The following C3orf22 variants were observed in gnomAD, a reference collection of about 807,000 sequenced individuals.
The protein encoded by C3orf22 is uncharacterized protein C3orf22.
C3orf22 carries 7 observed loss-of-function variants against 10.8 expected under a neutral mutation model. The observed-to-expected ratio is 0.65, with a 90% CI of 0.37 to 1.22. The LOEUF (loss-of-function observed/expected upper bound fraction) is 1.22. Among genes scored for constraint, C3orf22 ranks in the 50% most tolerant of loss-of-function variants. The probability of loss-of-function intolerance (pLI) is 0.02; values close to 1 mark genes in which losing one functional copy is unlikely to be tolerated. For missense variants in C3orf22, 173 were observed against 177.0 expected, an observed-to-expected ratio of 0.98 and a Z score of 0.13; for synonymous variants, 79 against 78.9, an observed-to-expected ratio of 1.00 and a Z score of 0.00.
intron 4 of C3orf22, chr3:126,542,758 G>A: frequency 1.1e-6 from 1 of 918,322 alleles, no homozygotes; most frequent in South Asian, 2.9e-5. Flanking sequence ...CATCTCAGGT[G>A]GCCCTGCACG....
intron 4 of C3orf22, among the ~76,000 whole-genome samples, chr3:126,535,529 C>G (rs9828089): frequency 4.5e-4 from 20 of 44,068 alleles, no homozygotes; most frequent in South Asian, 2.5e-3. Flanking sequence ...CCGGGAGACA[C>G]ACAGACAGCA....
chr3:126,549,735 G>T lies in C3orf22; in HGVS notation c.*133C>A, dbSNP rs1027252960. The T allele has an allele frequency of 5.3e-6, 8 of 1,511,840 alleles. No individual in the cohort carries two copies. The highest frequency in any genetic ancestry group is 4.1e-5 in the African/African-American group (3 of 72,478). 93.7% of individuals were successfully genotyped at this position (1,511,840 alleles called of 1,614,324 possible). A position where few individuals can be genotyped will look rare whatever the true frequency, so the allele number is the denominator to read the frequency against. On this transcript the variant is annotated 3_prime_UTR_variant, in exon 4 of 4. Coordinates refer to ENST00000318225, the MANE Select transcript of C3orf22 (RefSeq NM_152533.3). ...TTTATTAGCTTGGTGTAGCTTTTTG[G>T]GGGGACCACAAACCACTCCCGGTCT... is the stretch of plus-strand genomic sequence containing the variant.
chr3:126,539,368 T>C (rs1936872419), intron 4 of C3orf22, among the ~76,000 whole-genome samples: 1 of 152,078 alleles, frequency 6.6e-6, no homozygotes, highest in South Asian at 2.1e-4. Context: ...TTAGTGTATC[T>C]TAGACAGCTG....
Position 126,552,122 on chromosome 3 carries a change from C to A in C3orf22, c.90G>T (p.Arg30Ser). The A allele has an allele frequency of 5.0e-6, 8 of 1,613,720 alleles. No individual in the cohort carries two copies. Among genetic ancestry groups the A allele is most frequent in the Non-Finnish European group, 6.8e-6 (8 of 1,179,906 alleles). ...GGTCGGGCTCTGTCAGCCACGACAA[C>A]CTGCAACAGCACTTGGAATGTCAAC... Reference protein sequence around the residue: ...QENFAKKFPYRLSWLTEPDPE... With the variant: ...QENFAKKFPYSLSWLTEPDPE... The change falls in exon 3 of 4, where the codon AGG becomes AGT. Residue 30 changes from arginine to serine, a missense_variant and splice_region_variant. Coordinates refer to ENST00000318225, the MANE Select transcript of C3orf22 (RefSeq NM_152533.3).
At chr3:126,557,078 TCACA>T (rs371344338) in intron 1 of C3orf22, among the ~76,000 whole-genome samples, 6 of 149,496 alleles carry the variant, frequency 4.0e-5, no homozygotes, top group African/African-American at 9.9e-5. Flanking sequence ...ACACACAGAT[TCACA>T]CACACACAGA....
chr3:126,550,678 G>C (rs1024802019), intron 3 of C3orf22, among the ~76,000 whole-genome samples: 4 of 152,150 alleles, frequency 2.6e-5, no homozygotes, highest in Non-Finnish European at 4.4e-5. Flanking sequence ...TGTGCTCATG[G>C]GCCCGGCCGT....
chr3:126,550,559 C>G (rs1937158699), intron 3 of C3orf22, among the ~76,000 whole-genome samples: 1 of 152,204 alleles, frequency 6.6e-6, no homozygotes, highest in South Asian at 2.1e-4. Context: ...GCTTGACTGT[C>G]TCCGCAGCTC....
chr3:126,549,393 G>A, downstream of C3orf22: 1 of 382,816 alleles, frequency 2.6e-6, no homozygotes, highest in Non-Finnish European at 5.2e-6. Context: ...ATAAAGAGCT[G>A]CCTCTACATT....
chr3:126,555,406 C>G (rs1400473763), intron 1 of C3orf22, among the ~76,000 whole-genome samples: 2 of 152,328 alleles, frequency 1.3e-5, no homozygotes, highest in East Asian at 1.9e-4. Context: ...CGCAGGAGAC[C>G]TGACACGGTG....
At chr3:126,558,158 C>A (rs1274788199) in intron 1 of C3orf22, among the ~76,000 whole-genome samples, 1 of 152,234 alleles carries the variant, frequency 6.6e-6, no homozygotes, top group Non-Finnish European at 1.5e-5. Context: ...TATGCATAAC[C>A]TCACTTCATT....
chr3:126,542,632 C>T, intron 4 of C3orf22: 1 of 1,416,882 alleles, frequency 7.1e-7, no homozygotes, highest in South Asian at 1.6e-5. Flanking sequence ...GACAAGACCC[C>T]CGGGGAATGC....
At chr3:126,542,674 G>A in intron 4 of C3orf22, 3 of 1,374,898 alleles carry the variant, frequency 2.2e-6, no homozygotes, top group Non-Finnish European at 2.8e-6. Flanking sequence ...CCCTCTTCAA[G>A]AGCCACTGCG....
At chr3:126,542,317 C>G in intron 4 of C3orf22, 1 of 1,568,792 alleles carries the variant, frequency 6.4e-7, no homozygotes, top group African/African-American at 1.4e-5. Flanking sequence ...CGCTCTGCCA[C>G]CCGTGTCGCC....
intron 1 of C3orf22, among the ~76,000 whole-genome samples, chr3:126,558,190 C>T (rs987066867): frequency 3.3e-5 from 5 of 152,192 alleles, no homozygotes; most frequent in African/African-American, 4.8e-5. Context: ...TGATGGAGAA[C>T]GTATTATGCT....
At chr3:126,554,952 C>A (rs1232586478) in intron 1 of C3orf22, among the ~76,000 whole-genome samples, 1 of 152,224 alleles carries the variant, frequency 6.6e-6, no homozygotes, top group Non-Finnish European at 1.5e-5. Flanking sequence ...TAGGTCCGTG[C>A]TGTCCGAGAC....
intron 4 of C3orf22, among the ~76,000 whole-genome samples, chr3:126,534,533 G>T (rs909461340): frequency 2.6e-5 from 4 of 151,224 alleles, no homozygotes; most frequent in African/African-American, 9.7e-5. Context: ...TCCTCAGCCA[G>T]GAGAAAAACA....
intron 2 of C3orf22, 43 bp downstream of exon 2, chr3:126,553,259 G>C (rs777725178): frequency 7.2e-7 from 1 of 1,382,422 alleles, no homozygotes; most frequent in East Asian, 2.3e-5. Flanking sequence ...GGGGTGACCT[G>C]GGGGAGGCAG....
chr3:126,557,029 T>A (rs1464185396), intron 1 of C3orf22, among the ~76,000 whole-genome samples: 1 of 143,580 alleles, frequency 7.0e-6, no homozygotes, highest in African/African-American at 2.6e-5. Context: ...CAAACTCACA[T>A]ACACATACAC....
rs778289276 is a variant in C3orf22, at chr3:126,542,473, C to T, written c.286+7064G>A. On this transcript the variant is annotated intron_variant and NMD_transcript_variant, in intron 4 of 5. Coordinates refer to the C3orf22 transcript ENST00000505070. ...CCTCCCGCGACCTGGCAGCGCGCCT[C>T]TTCCGGGACATCAGCCCCTTCTACC... The T allele has an allele frequency of 7.0e-6, 11 of 1,581,518 alleles. No homozygotes were observed. In the Admixed American group the frequency reaches 1.3e-4, roughly 18 times the overall value.
Sources: gnomAD v4.1 joint callset for allele counts (sites outside exome capture counted in the v4.1 genomes callset) on GRCh38, gnomAD v4.1.1 for gene constraint, MANE v1.5 for transcripts, NCBI Gene and HGNC (gene_info 2026-07-23, HGNC 2026-07-21) for gene names.